Variants in MAEA observed in about 807,000 individuals in gnomAD.
MAEA encodes the protein macrophage erythroblast attacher, E3 ubiquitin ligase.
Under a neutral mutation model 46.2 loss-of-function variants are expected in MAEA, and 22 were observed. That is an observed-to-expected ratio of 0.48 (90% CI 0.34 to 0.68). The LOEUF (loss-of-function observed/expected upper bound fraction) is 0.68, where lower values mean the gene tolerates loss of function less well. MAEA is among the 30% of genes least tolerant of loss of function. The pLI is 0.01. For missense variants in MAEA, 393 were observed against 558.1 expected, an observed-to-expected ratio of 0.70 and a Z score of 2.98; for synonymous variants, 246 against 222.6, an observed-to-expected ratio of 1.11 and a Z score of -0.94.
In MAEA at chr4:1,340,123, G is replaced by T. The variant is rs996021350; in HGVS notation, c.*954G>T. ...AAATGTAAACCATGCGAATAAAATGGTTTTCTATTTCTCATTTCCGTGTGA... is the reference window on the plus strand; with the variant it reads ...AAATGTAAACCATGCGAATAAAATGTTTTTCTATTTCTCATTTCCGTGTGA... On this transcript the variant is annotated 3_prime_UTR_variant, in exon 9 of 9. Transcript: ENST00000303400. 6.5e-6 allele frequency: 1 copy of T among 152,680 alleles called. No individual in the cohort carries two copies. The highest frequency in any genetic ancestry group is 6.5e-5 in the Admixed American group (1 of 15,286). 9.5% of individuals were successfully genotyped at this position (152,680 alleles called of 1,614,324 possible). A position where few individuals can be genotyped will look rare whatever the true frequency, so the allele number is the denominator to read the frequency against.
intron 4 of MAEA, among the ~76,000 whole-genome samples, 150 bp from the exon 5 acceptor site, chr4:1,327,471 GCAGCTT>G (rs573292015): frequency 6.9e-4 from 105 of 152,344 alleles, no homozygotes; most frequent in African/African-American, 2.5e-3. Flanking sequence ...GGTTAAAGTG[GCAGCTT>G]CAGCCTCAGC....
rs774851507 is a variant in MAEA at position 1,322,428 on chromosome 4, G to A, written c.504G>A (p.Glu168=). The change falls in exon 4 of 9, where the codon GAG becomes GAA. Residue 168 remains glutamate, a synonymous_variant. Transcript: ENST00000303400. ...TCCTGACGGCCAAAGAGGTGGAGGA[G>A]TCCCTGGAGAGGCGTGAGACGGCCA... ...EMFLTAKEVE[E]SLERRETATC... 1.9e-5 allele frequency: 31 copies of A among 1,613,998 alleles called. No individual in the cohort carries two copies. The South Asian group carries it at 2.2e-4, about 11-fold the overall frequency.
chr4:1,303,257 C>T (rs924688665), intron 1 of MAEA, among the ~76,000 whole-genome samples: 1 of 125,728 alleles, frequency 8.0e-6, no homozygotes, highest in Non-Finnish European at 1.7e-5. Context: ...AAAAAAAAAG[C>T]CGGTCATGGT....
chr4:1,337,137 G>A, intron 7 of MAEA, 143 bp downstream of exon 7: 1 of 1,027,848 alleles, frequency 9.7e-7, no homozygotes, highest in South Asian at 1.5e-5. Flanking sequence ...CTTGCGTGGT[G>A]TCTGGATGGT....
intron 5 of MAEA, chr4:1,330,529 C>CTAATGTTTGTATTTTTAGTAGAGA (rs1430452793): frequency 6.6e-6 from 1 of 150,598 alleles, no homozygotes; most frequent in African/African-American, 2.5e-5. Context: ...GTTGGCCAGG[C>CTAATGTTTGTATTTTTAGTAGAGA]TGGTCTCAAA....
chr4:1,315,375 G>T (rs779255456), intron 2 of MAEA, 22 bp from the exon 3 acceptor site: 2 of 1,612,278 alleles, frequency 1.2e-6, no homozygotes, highest in Admixed American at 3.3e-5. Context: ...TCCTGAACGT[G>T]CCTCTGTTGT....
intron 2 of MAEA, among the ~76,000 whole-genome samples, chr4:1,314,786 T>C (rs1051151191): frequency 6.6e-6 from 1 of 152,230 alleles, no homozygotes; most frequent in African/African-American, 2.4e-5. Context: ...ACAGCTGATT[T>C]CTGCACAGCA....
chr4:1,331,428 G>C (rs1711795241), intron 5 of MAEA: 1 of 152,442 alleles, frequency 6.6e-6, no homozygotes, highest in African/African-American at 2.4e-5. Flanking sequence ...CTCTCCTGGT[G>C]GTGCTTCCAA....
chr4:1,298,640 AC>A (rs914614610), intron 1 of MAEA, among the ~76,000 whole-genome samples: 6 of 151,794 alleles, frequency 4.0e-5, no homozygotes, highest in Admixed American at 1.3e-4. Flanking sequence ...AACACAGCTC[AC>A]CCCCTCGGGC....
chr4:1,306,236 G>T (rs540230953), intron 1 of MAEA, among the ~76,000 whole-genome samples: 1 of 152,188 alleles, frequency 6.6e-6, no homozygotes, highest in Non-Finnish European at 1.5e-5. Context: ...CGCGCTTTCC[G>T]CTGTGGTCTA....
intron 1 of MAEA, among the ~76,000 whole-genome samples, chr4:1,292,865 G>A (rs1734234722): frequency 6.7e-6 from 1 of 149,206 alleles, no homozygotes; most frequent in Admixed American, 6.7e-5. Context: ...TGGGGGAGGG[G>A]AAAGATGAAT....
chr4:1,328,842 G>A (rs1379591604), intron 5 of MAEA: 69 of 1,045,092 alleles, frequency 6.6e-5, no homozygotes, highest in Non-Finnish European at 7.2e-5. Flanking sequence ...CTTCACGCAC[G>A]AGGGAGCCAG....
At chr4:1,295,441 C>T (rs1010485460) in intron 1 of MAEA, among the ~76,000 whole-genome samples, 1 of 151,970 alleles carries the variant, frequency 6.6e-6, no homozygotes, top group Non-Finnish European at 1.5e-5. Context: ...ACTGTGGACC[C>T]GGACCGGGAC....
intron 1 of MAEA, among the ~76,000 whole-genome samples, chr4:1,291,139 C>G (rs1168904139): frequency 1.3e-5 from 2 of 152,296 alleles, no homozygotes; most frequent in South Asian, 4.1e-4. Context: ...GCAAGCTTCT[C>G]CTCCTCTTTA....
In MAEA at chr4:1,289,941, T is replaced by G. The variant is rs756276986; in HGVS notation, c.28T>G (p.Leu10Val). 5 of 1,602,322 alleles carry G rather than the reference T, an allele frequency of 3.1e-6. No homozygotes were observed. The highest frequency in any genetic ancestry group is 4.3e-6 in the Non-Finnish European group (5 of 1,174,284). The part of the protein sequence containing the change: MAVQESAAQ[L>V]SMTLKVQEYP... ...GGCGGTGCAGGAGTCGGCGGCTCAG[T>G]TGTCCATGACCCTGAAGGTCCAGGA... Residue 10 changes from leucine (L) to valine (V), a missense_variant, in exon 1 of 9, where the codon TTG (leucine) becomes GTG (valine). Around this residue, in one of 2 missense-constraint regions of MAEA, gnomAD observed 35 missense variants for 20.1 expected, o/e 1.74. Coordinates refer to ENST00000303400, the MANE Select transcript of MAEA (RefSeq NM_001017405.3).
intron 6 of MAEA, chr4:1,335,243 T>C (rs1271395304): frequency 1.0e-6 from 1 of 985,318 alleles, no homozygotes; most frequent in East Asian, 1.1e-4. Context: ...GAAGTAAGAG[T>C]TTTTACACCT....
At chr4:1,307,887 C>T (rs1028060927) in intron 1 of MAEA, among the ~76,000 whole-genome samples, 25 of 152,136 alleles carry the variant, frequency 1.6e-4, no homozygotes, top group Non-Finnish European at 3.2e-4. Flanking sequence ...CCCACTCACC[C>T]ACCAGTCTCC....
At chr4:1,309,899 A>G (rs1309964050) in intron 1 of MAEA, 52 of 1,289,164 alleles carry the variant, frequency 4.0e-5, no homozygotes, top group Non-Finnish European at 5.0e-5. Context: ...CAGGGGTTGG[A>G]AAGTCCAGAA....
At chr4:1,321,791 C>G (rs897296569) in intron 3 of MAEA, among the ~76,000 whole-genome samples, 10 of 152,042 alleles carry the variant, frequency 6.6e-5, no homozygotes, top group Non-Finnish European at 1.3e-4. Flanking sequence ...GGTTCCACTG[C>G]TAGGCACTGA....
Sources: gnomAD v4.1 joint callset for allele counts (sites outside exome capture counted in the v4.1 genomes callset) on GRCh38, gnomAD v4.1.1 for gene constraint, gnomAD v4.1.1 regional missense constraint, MANE v1.5 for transcripts, NCBI Gene and HGNC (gene_info 2026-07-23, HGNC 2026-07-21) for gene names.